The following TSPAN1 variants were observed in gnomAD, a reference collection of about 807,000 sequenced individuals.
The protein encoded by TSPAN1 is tetraspanin-1.
In TSPAN1, 23 loss-of-function variants were observed where a neutral mutation model predicts 26.9. The ratio of observed to expected loss-of-function variants is 0.85; its 90% CI spans 0.62 to 1.21. TSPAN1 has a LOEUF of 1.21. TSPAN1 is among the 50% of genes most tolerant of loss of function. The probability of loss-of-function intolerance (pLI) is 0.00; values close to 1 mark genes in which losing one functional copy is unlikely to be tolerated. For missense variants in TSPAN1, 283 were observed against 298.4 expected, an observed-to-expected ratio of 0.95 and a Z score of 0.38; for synonymous variants, 115 against 114.8, an observed-to-expected ratio of 1.00 and a Z score of -0.01.
Position 46,185,066 on chromosome 1 carries a change from C to G in TSPAN1, c.545C>G (p.Thr182Arg). The change falls in exon 7 of 9, where the codon ACA becomes AGA. Residue 182 changes from threonine to arginine, a missense_variant. Coordinates refer to ENST00000372003, the MANE Select transcript of TSPAN1 (RefSeq NM_005727.4). ...TGTTGCAATGACAACGTCACCAACA[C>G]AGCCAATGAAACCTGCACCAAGCAA... ...PFCCNDNVTN[T>R]ANETCTKQKA... The G allele has an allele frequency of 1.2e-6, 2 of 1,614,204 alleles. No individual in the cohort carries two copies. The highest frequency in any genetic ancestry group is 2.2e-5 in the South Asian group (2 of 91,084).
At chr1:46,195,729 T>C in the TSPAN1 span, 1 of 1,224,774 alleles carries the variant, frequency 8.2e-7, no homozygotes, top group African/African-American at 1.5e-5. Context: ...CCCACTATGT[T>C]ATATGAGGGG....
At chr1:46,184,523 G>C in intron 4 of TSPAN1, 71 bp from the exon 5 acceptor site, 3 of 1,604,706 alleles carry the variant, frequency 1.9e-6, no homozygotes, top group Non-Finnish European at 2.6e-6. Context: ...CTTTTCCGGG[G>C]GGGGGATTAG....
At chr1:46,190,097 CTTTT>C (rs946195454), downstream of TSPAN1, 2,051 of 801,268 alleles carry the variant, frequency 2.6e-3, no homozygotes, top group East Asian at 3.1e-3. Context: ...CCTTGAAGTT[CTTTT>C]TTTTTTTTTT....
intron 6 of TSPAN1, 24 bp from the exon 7 acceptor site, chr1:46,184,935 AC>A: frequency 6.2e-7 from 1 of 1,613,906 alleles, no homozygotes; most frequent in Non-Finnish European, 8.5e-7. Context: ...GCAAGGCCCC[AC>A]CTCCACCCTC....
chr1:46,183,638 G>A (rs141181595), intron 3 of TSPAN1: 320 of 170,738 alleles, frequency 1.9e-3, no homozygotes, highest in African/African-American at 7.2e-3. Flanking sequence ...TACATGAGGG[G>A]CGGGCCTGAA....
intron 1 of TSPAN1, among the ~76,000 whole-genome samples, chr1:46,179,509 A>G (rs1017450539): frequency 5.9e-5 from 9 of 152,150 alleles, no homozygotes; most frequent in Non-Finnish European, 1.2e-4. Context: ...AACCAAGTCT[A>G]AGAAAAGTCC....
At chr1:46,190,371 C>T, downstream of TSPAN1, 2 of 1,417,356 alleles carry the variant, frequency 1.4e-6, no homozygotes, top group Non-Finnish European at 2.0e-6. Context: ...GAGATGAGGG[C>T]CCTGATTTTC....
the TSPAN1 span, chr1:46,193,873 C>G: frequency 1.9e-6 from 3 of 1,614,082 alleles, no homozygotes; most frequent in East Asian, 2.2e-5. Context: ...GTAATTGGGT[C>G]GGTTCCCTGC....
the TSPAN1 span, chr1:46,196,001 T>TA: frequency 6.2e-7 from 1 of 1,614,052 alleles, no homozygotes; most frequent in Non-Finnish European, 8.5e-7. The surrounding 1 kb of genome is among the most constrained non-coding windows in gnomAD (Gnocchi z 4.4). Context: ...CACCCACCCC[T>TA]AGAAACTCAC....
rs1157148659 is a variant in TSPAN1 at position 46,184,384 on chromosome 1, G to A, written c.251G>A (p.Cys84Tyr). The change falls in exon 4 of 9, where the codon TGT becomes TAT. Residue 84 changes from cysteine (C) to tyrosine (Y), a missense_variant. Coordinates refer to ENST00000372003, the MANE Select transcript of TSPAN1 (RefSeq NM_005727.4). ...TATGGTGCTAAGACTGAGAGCAAGT[G>A]TGCCCTCGTGACGGTGTGTGAAACC... is the stretch of plus-strand genomic sequence containing the variant. ...GCYGAKTESK[C>Y]ALVTFFFILL... The A allele has an allele frequency of 6.2e-7, 1 of 1,614,092 alleles. No homozygotes were observed. Among genetic ancestry groups the A allele is most frequent in the Non-Finnish European group, 8.5e-7 (1 of 1,179,996 alleles).
chr1:46,190,923 C>G, downstream of TSPAN1: 2 of 805,520 alleles, frequency 2.5e-6, no homozygotes, highest in Non-Finnish European at 4.3e-6. Flanking sequence ...ACCGTCTTCT[C>G]CATCCTCTTT....
At position 46,185,299 on chromosome 1, in the gene TSPAN1, G is replaced by C; in HGVS notation, c.669G>C (p.Gly223=). The stretch of plus-strand genomic sequence containing the variant: ...TGGGTGGTGTGGCAGCTGGAATTGG[G>C]GGCCTCGAGGTAAGCAGATGAGGAG... ...VTVGGVAAGI[G]GLELAAMIVS... The change falls in exon 8 of 9, where the codon GGG becomes GGC. Residue 223 remains glycine (G), a synonymous_variant. Coordinates refer to ENST00000372003, the MANE Select transcript of TSPAN1 (RefSeq NM_005727.4). The C allele has an allele frequency of 6.2e-7, 1 of 1,614,106 alleles. No homozygotes were observed. The highest frequency in any genetic ancestry group is 1.1e-5 in the South Asian group (1 of 91,076).
the TSPAN1 span, chr1:46,195,594 C>T: frequency 3.2e-6 from 2 of 621,112 alleles, no homozygotes; most frequent in Non-Finnish European, 5.9e-6. Context: ...GTCTTGTTTC[C>T]CATTGTATCT....
chr1:46,192,564 A>T, the TSPAN1 span: 1 of 1,614,150 alleles, frequency 6.2e-7, no homozygotes, highest in Non-Finnish European at 8.5e-7. Context: ...ATCCTCCTCC[A>T]GTAGGTGGAT....
the TSPAN1 span, chr1:46,191,329 T>G: frequency 5.1e-6 from 1 of 197,418 alleles, no homozygotes; most frequent in Non-Finnish European, 1.0e-5. Flanking sequence ...CCTCCCTTGC[T>G]GTAACTGGGG....
the TSPAN1 span, chr1:46,194,909 AG>A: frequency 3.1e-6 from 5 of 1,614,142 alleles, no homozygotes; most frequent in Non-Finnish European, 4.2e-6. Context: ...CTGGCTGCCC[AG>A]GCTCCTCAGC....
downstream of TSPAN1, among the ~76,000 whole-genome samples, chr1:46,187,811 T>C (rs1657469392): frequency 6.6e-6 from 1 of 152,172 alleles, no homozygotes; most frequent in Non-Finnish European, 1.5e-5. Flanking sequence ...TGGCGAGATA[T>C]GTCCAAGCGA....
chr1:46,176,284 A>C, intron 1 of TSPAN1: 1 of 1,535,788 alleles, frequency 6.5e-7, no homozygotes, highest in Non-Finnish European at 8.7e-7. Context: ...GTTGATACCC[A>C]TGGCCCTGGT....
chr1:46,196,357 C>T, the TSPAN1 span, among the ~76,000 whole-genome samples: 1 of 152,192 alleles, frequency 6.6e-6, no homozygotes, highest in Admixed American at 6.5e-5. The surrounding 1 kb of genome is among the most constrained non-coding windows in gnomAD (Gnocchi z 4.4). Flanking sequence ...GTATCACAAT[C>T]CTCCACCACA....
Sources: allele counts gnomAD v4.1 joint callset (sites outside exome capture counted in the v4.1 genomes callset), GRCh38; gene constraint gnomAD v4.1.1; non-coding constraint Gnocchi (gnomAD v3.1); transcripts MANE v1.5; gene names NCBI Gene and HGNC (gene_info 2026-07-23, HGNC 2026-07-21).